HERC1: variants seen among roughly 807,000 people sequenced by gnomAD.
HERC1 encodes the protein probable E3 ubiquitin-protein ligase HERC1.
HERC1 carries 160 observed loss-of-function variants against 554.3 expected under a neutral mutation model. The ratio of observed to expected loss-of-function variants is 0.29; its 90% CI spans 0.25 to 0.33. HERC1 has a LOEUF of 0.33. Among genes scored for constraint, HERC1 ranks in the 10% least tolerant of loss-of-function variants. The pLI is 1.00. For missense variants in HERC1, 4,919 were observed against 5,918.5 expected (o/e 0.83, Z 5.54); for synonymous variants, 2,175 against 2,131.7 (o/e 1.02, Z -0.56).
intron 47 of HERC1, among the ~76,000 whole-genome samples, chr15:63,658,936 T>G (rs1270537648): frequency 6.6e-6 from 1 of 152,242 alleles, no homozygotes; most frequent in African/African-American, 2.4e-5. Context: ...TAACAATGTA[T>G]TTACCATAGG....
chr15:63,791,497 G>A (rs1181224344), intron 1 of HERC1, among the ~76,000 whole-genome samples: 3 of 152,192 alleles, frequency 2.0e-5, no homozygotes, highest in Non-Finnish European at 4.4e-5. Flanking sequence ...AAGATCAGCA[G>A]AGGGAAGTTC....
rs904579575 is a variant in HERC1, at chr15:63,646,581, C to T, written c.10879-899G>A. ...CTTTGGGAGGCCGAGGTGGGCGGAT[C>T]ATGAAGTCAGGAATTCGAGACCAGC... On this transcript the variant is annotated intron_variant, in intron 55 of 77. Coordinates refer to ENST00000443617, the MANE Select transcript of HERC1 (RefSeq NM_003922.4). Among the ~76,000 whole-genome samples, 4 of 150,496 alleles carry T rather than the reference C, an allele frequency of 2.7e-5. No homozygotes were observed. The East Asian group carries it at 7.8e-4, about 29-fold the overall frequency.
intron 55 of HERC1, 105 bp downstream of exon 55, chr15:63,647,964 G>A: frequency 1.1e-6 from 1 of 870,410 alleles, no homozygotes. Flanking sequence ...TGTCATTTGG[G>A]TGATGGATAT....
intron 1 of HERC1, among the ~76,000 whole-genome samples, chr15:63,815,132 T>A (rs146129415): frequency 6.8e-4 from 103 of 152,368 alleles, no homozygotes; most frequent in African/African-American, 2.3e-3. Flanking sequence ...TCATGCTTTC[T>A]ATCTTCACTA....
intron 1 of HERC1, among the ~76,000 whole-genome samples, chr15:63,799,422 C>A (rs992881978): frequency 1.3e-5 from 2 of 151,738 alleles, no homozygotes; most frequent in African/African-American, 4.8e-5. Flanking sequence ...ATCACTTGAG[C>A]CCAGGAGGTC....
chr15:63,721,464 T>C (rs958643594), intron 19 of HERC1, among the ~76,000 whole-genome samples: 1 of 152,032 alleles, frequency 6.6e-6, no homozygotes, highest in Admixed American at 6.5e-5. Context: ...AGGCGGAGGT[T>C]GCAGTGAGCT....
intron 1 of HERC1, among the ~76,000 whole-genome samples, chr15:63,815,186 G>A (rs554886364): frequency 6.6e-6 from 1 of 152,232 alleles, no homozygotes; most frequent in Admixed American, 6.5e-5. Context: ...GGCTCTGATT[G>A]TCTAAAAGTT....
chr15:63,745,006 G>A (rs1433594469), intron 12 of HERC1, among the ~76,000 whole-genome samples: 1 of 152,210 alleles, frequency 6.6e-6, no homozygotes, highest in Non-Finnish European at 1.5e-5. Flanking sequence ...CTTCAAGGCA[G>A]TGGGTTCCCT....
At chr15:63,619,187 TGA>T (rs1438558413) in intron 74 of HERC1, among the ~76,000 whole-genome samples, 13 of 152,342 alleles carry the variant, frequency 8.5e-5, no homozygotes, top group African/African-American at 3.1e-4. Flanking sequence ...CCTAATTTAT[TGA>T]GAGTTTTTAG....
intron 1 of HERC1, among the ~76,000 whole-genome samples, chr15:63,794,187 C>G (rs2076740270): frequency 6.6e-6 from 1 of 152,268 alleles, no homozygotes; most frequent in Non-Finnish European, 1.5e-5. Flanking sequence ...AACCAGCAGC[C>G]CTTGGGGCTG....
At chr15:63,781,184 G>T (rs74019014) in intron 1 of HERC1, among the ~76,000 whole-genome samples, 1 of 151,988 alleles carries the variant, frequency 6.6e-6, no homozygotes, top group African/African-American at 2.4e-5. Flanking sequence ...ACAATGAAGC[G>T]GAAACCACAG....
intron 45 of HERC1, 141 bp downstream of exon 45, chr15:63,661,612 T>A: frequency 2.5e-6 from 2 of 808,030 alleles, no homozygotes; most frequent in Non-Finnish European, 3.9e-6. Flanking sequence ...AACCCCTCCA[T>A]CCCTTCTGCC....
intron 1 of HERC1, among the ~76,000 whole-genome samples, chr15:63,831,950 G>C (rs1351724151): frequency 6.6e-6 from 1 of 152,184 alleles, no homozygotes; most frequent in African/African-American, 2.4e-5. Flanking sequence ...CAAACAGCAT[G>C]ACTGGAAATT....
rs142863301 is a variant in HERC1 at position 63,665,895 on chromosome 15, A to G, written c.8555+24T>C. On this transcript the variant is annotated intron_variant, in intron 42 of 77. Coordinates refer to ENST00000443617, the MANE Select transcript of HERC1 (RefSeq NM_003922.4). ...TTTGAAATTTATAACACATGGAACA[A>G]AAGTACAGAAACTGGAATTTCACCT... The G allele has an allele frequency of 2.6e-5, 41 of 1,572,428 alleles. 1 individual carries two copies. The East Asian group carries it at 8.7e-4, about 34-fold the overall frequency.
intron 36 of HERC1, among the ~76,000 whole-genome samples, chr15:63,679,373 AT>A (rs1269308307): frequency 6.6e-6 from 1 of 152,174 alleles, no homozygotes; most frequent in Non-Finnish European, 1.5e-5. Context: ...ATAAAAGGTA[AT>A]TTTCTTGGTT....
chr15:63,651,463 C>A, intron 52 of HERC1, 83 bp from the exon 53 acceptor site: 1 of 1,339,020 alleles, frequency 7.5e-7, no homozygotes, highest in South Asian at 1.3e-5. Flanking sequence ...ATAAGGGTTT[C>A]ATATAGACTA....
chr15:63,617,150 T>C (rs540162102), intron 74 of HERC1, among the ~76,000 whole-genome samples: 12 of 151,998 alleles, frequency 7.9e-5, no homozygotes, highest in African/African-American at 2.9e-4. Context: ...CCTAATGCTA[T>C]CCCTCCCCGC....
intron 53 of HERC1, 22 bp downstream of exon 53, chr15:63,651,231 C>G (rs1566973670): frequency 1.2e-6 from 2 of 1,611,754 alleles, no homozygotes; most frequent in Non-Finnish European, 1.7e-6. Context: ...CAGCAGTTTA[C>G]TAGTGTTTAC....
intron 33 of HERC1, among the ~76,000 whole-genome samples, chr15:63,688,453 G>A (rs1031273136): frequency 4.6e-5 from 7 of 152,142 alleles, no homozygotes; most frequent in African/African-American, 1.7e-4. Flanking sequence ...AGAATTCAGG[G>A]GAAATGCCAG....
Sources: gnomAD v4.1 joint callset for allele counts (sites outside exome capture counted in the v4.1 genomes callset) on GRCh38, gnomAD v4.1.1 for gene constraint, MANE v1.5 for transcripts, NCBI Gene and HGNC (gene_info 2026-07-23, HGNC 2026-07-21) for gene names.